The following CNTN4 variants were observed in gnomAD, a reference collection of about 807,000 sequenced individuals.
CNTN4 encodes contactin-4.
CNTN4 carries 77 observed loss-of-function variants against 122.5 expected under a neutral mutation model. The ratio of observed to expected loss-of-function variants is 0.63; its 90% CI spans 0.52 to 0.76. The LOEUF (loss-of-function observed/expected upper bound fraction) is 0.76, where lower values mean the gene tolerates loss of function less well. CNTN4 is among the 30% of genes least tolerant of loss of function. The probability of loss-of-function intolerance (pLI) is 0.00; values close to 1 mark genes in which losing one functional copy is unlikely to be tolerated. For synonymous variants in CNTN4, 512 were observed against 447.0 expected, an observed-to-expected ratio of 1.15 and a Z score of -1.83; for missense variants, 1,256 against 1,259.1, an observed-to-expected ratio of 1.00 and a Z score of 0.04.
intron 2 of CNTN4, among the ~76,000 whole-genome samples, chr3:2,207,653 A>G (rs1050072478): frequency 7.2e-5 from 11 of 152,184 alleles, no homozygotes; most frequent in Admixed American, 5.9e-4. Context: ...AGGTTGGTTC[A>G]GAAGTTTAAA....
Position 2,253,160 on chromosome 3 carries a change from G to A in CNTN4, c.-144-86018G>A, listed in dbSNP as rs529475025. 6.1e-5 allele frequency among the ~76,000 whole-genome samples: 9 copies of A among 147,956 alleles called. No individual in the cohort carries two copies. In the South Asian group the frequency reaches 1.9e-3, roughly 32 times the overall value. ...AAATTGGTCAAGGTAACTAGATAAT[G>A]CTAAATCCCCAGTCTACTTTGTGCC... On this transcript the variant is annotated intron_variant, in intron 2 of 24. Coordinates refer to ENST00000418658, the MANE Select transcript of CNTN4 (RefSeq NM_175607.3).
chr3:2,976,076 A>G (rs1344297775), intron 13 of CNTN4, among the ~76,000 whole-genome samples: 2 of 152,218 alleles, frequency 1.3e-5, no homozygotes, highest in African/African-American at 4.8e-5. Flanking sequence ...TTTCCCAAAG[A>G]CATGGTGTTT....
At chr3:2,630,345 G>A (rs2082375839) in intron 4 of CNTN4, among the ~76,000 whole-genome samples, 1 of 152,102 alleles carries the variant, frequency 6.6e-6, no homozygotes, top group African/African-American at 2.4e-5. Context: ...AGGCTGAGGT[G>A]GGAGAATTGC....
chr3:2,625,812 G>A (rs778042122), intron 4 of CNTN4, among the ~76,000 whole-genome samples: 29 of 152,058 alleles, frequency 1.9e-4, no homozygotes, highest in Non-Finnish European at 1.8e-4. Context: ...TGCTGCGCCT[G>A]ATTCTAACAA....
intron 2 of CNTN4, among the ~76,000 whole-genome samples, chr3:2,229,018 TC>T (rs1294860914): frequency 6.6e-6 from 1 of 152,156 alleles, no homozygotes; most frequent in Non-Finnish European, 1.5e-5. Flanking sequence ...TACAAATTGC[TC>T]CAACTTTTAT....
intron 13 of CNTN4, among the ~76,000 whole-genome samples, chr3:2,952,105 T>C (rs1443793613): frequency 1.3e-5 from 2 of 152,220 alleles, no homozygotes; most frequent in Admixed American, 1.3e-4. Context: ...CCTTGTAGTA[T>C]GGAGCTTTTT....
chr3:2,380,985 C>CTTTTG (rs769938117), intron 3 of CNTN4, among the ~76,000 whole-genome samples: 2 of 151,336 alleles, frequency 1.3e-5, no homozygotes, highest in Admixed American at 6.6e-5. Flanking sequence ...CCTTTCCCTT[C>CTTTTG]TTTTGTTTTG....
intron 4 of CNTN4, among the ~76,000 whole-genome samples, chr3:2,698,310 C>CT (rs1559399768): frequency 3.9e-5 from 6 of 152,260 alleles, no homozygotes; most frequent in Admixed American, 3.9e-4. Flanking sequence ...TTTTCTCTCC[C>CT]TTTTCCCTTC....
intron 2 of CNTN4, among the ~76,000 whole-genome samples, chr3:2,328,367 C>T (rs1288811822): frequency 1.3e-5 from 2 of 151,332 alleles, no homozygotes; most frequent in African/African-American, 2.4e-5. Flanking sequence ...GATGGCGCCA[C>T]CGCCCTCCAG....
At chr3:3,036,126 A>G (rs939871715) in intron 17 of CNTN4, among the ~76,000 whole-genome samples, 3 of 152,234 alleles carry the variant, frequency 2.0e-5, no homozygotes, top group African/African-American at 7.2e-5. Flanking sequence ...GATAAATTGG[A>G]TGAACAAGTA....
chr3:2,127,957 C>T (rs1449127755), intron 2 of CNTN4, among the ~76,000 whole-genome samples: 2 of 152,198 alleles, frequency 1.3e-5, no homozygotes, highest in Non-Finnish European at 2.9e-5. Flanking sequence ...CTCTTTCAAG[C>T]AGAGCGAGGA....
intron 2 of CNTN4, among the ~76,000 whole-genome samples, chr3:2,156,874 G>A (rs2035745991): frequency 6.6e-6 from 1 of 152,142 alleles, no homozygotes; most frequent in Admixed American, 6.5e-5. Flanking sequence ...GGCTATTCCT[G>A]GCTATTTGGG....
chr3:2,275,807 C>T (rs2149850018), intron 2 of CNTN4, among the ~76,000 whole-genome samples: 1 of 150,932 alleles, frequency 6.6e-6, no homozygotes, highest in Non-Finnish European at 1.5e-5. Flanking sequence ...GTAATCCCAG[C>T]TACTCAGGAA....
chr3:2,114,511 A>G (rs999378173), intron 2 of CNTN4, among the ~76,000 whole-genome samples: 12 of 152,140 alleles, frequency 7.9e-5, no homozygotes, highest in African/African-American at 2.4e-4. Context: ...TACAATGGCC[A>G]TGGGCTTATG....
At chr3:2,920,608 G>T (rs1464206751) in intron 12 of CNTN4, among the ~76,000 whole-genome samples, 1 of 151,900 alleles carries the variant, frequency 6.6e-6, no homozygotes, top group Non-Finnish European at 1.5e-5. Flanking sequence ...TGTGTTTCTC[G>T]GACTCTAAGA....
intron 4 of CNTN4, among the ~76,000 whole-genome samples, chr3:2,604,166 G>T (rs1172277339): frequency 6.6e-6 from 1 of 152,152 alleles, no homozygotes; most frequent in Non-Finnish European, 1.5e-5. Context: ...TATCCAGAGA[G>T]ATATCACTAA....
intron 22 of CNTN4, 67 bp from the exon 23 acceptor site, chr3:3,043,525 G>C: frequency 5.0e-6 from 6 of 1,206,548 alleles, no homozygotes; most frequent in Non-Finnish European, 6.1e-6. Flanking sequence ...TTCTAGTAAG[G>C]AGATATTCCT....
intron 4 of CNTN4, among the ~76,000 whole-genome samples, chr3:2,638,345 T>G (rs2082756384): frequency 6.6e-6 from 1 of 152,292 alleles, no homozygotes; most frequent in Non-Finnish European, 1.5e-5. Flanking sequence ...CCAACAGAGC[T>G]GTAGCAATAA....
chr3:2,423,603 AT>A (rs1030971944), intron 3 of CNTN4, among the ~76,000 whole-genome samples: 14 of 151,984 alleles, frequency 9.2e-5, no homozygotes, highest in Non-Finnish European at 1.5e-5. Context: ...TTGATGAAAA[AT>A]TTGCTCTGGT....
Sources: gnomAD v4.1 joint callset for allele counts (sites outside exome capture counted in the v4.1 genomes callset) on GRCh38, gnomAD v4.1.1 for gene constraint, MANE v1.5 for transcripts, NCBI Gene and HGNC (gene_info 2026-07-23, HGNC 2026-07-21) for gene names.